SLC24A3: variants seen among roughly 807,000 people sequenced by gnomAD.
The protein encoded by SLC24A3 is sodium/potassium/calcium exchanger 3.
In SLC24A3, 28 loss-of-function variants were observed where a neutral mutation model predicts 75.8. That is an observed-to-expected ratio of 0.37 (90% CI 0.27 to 0.51). The LOEUF is 0.51. Among genes scored for constraint, SLC24A3 ranks in the 20% least tolerant of loss-of-function variants. The probability of loss-of-function intolerance (pLI) is 0.94; values close to 1 mark genes in which losing one functional copy is unlikely to be tolerated. For missense variants in SLC24A3, 663 were observed against 847.8 expected, an observed-to-expected ratio of 0.78 and a Z score of 2.71; for synonymous variants, 372 against 334.1, an observed-to-expected ratio of 1.11 and a Z score of -1.24.
At chr20:19,555,440 C>A (rs1209052601) in intron 3 of SLC24A3, among the ~76,000 whole-genome samples, 1 of 152,212 alleles carries the variant, frequency 6.6e-6, no homozygotes, top group East Asian at 1.9e-4. Context: ...GGCCATATTT[C>A]TTCTTCCATT....
intron 2 of SLC24A3, among the ~76,000 whole-genome samples, chr20:19,397,793 A>G (rs1986482940): frequency 1.3e-5 from 2 of 152,064 alleles, no homozygotes; most frequent in African/African-American, 4.8e-5. Context: ...ATTTGGAACT[A>G]TTGTTATGAT....
chr20:19,492,410 C>T (rs546743764), intron 2 of SLC24A3, among the ~76,000 whole-genome samples: 52 of 152,334 alleles, frequency 3.4e-4, no homozygotes, highest in African/African-American at 1.1e-3. Flanking sequence ...CCAGTGTGTT[C>T]GAAGGACCAT....
At chr20:19,367,457 C>T (rs939395767) in intron 2 of SLC24A3, among the ~76,000 whole-genome samples, 1 of 150,010 alleles carries the variant, frequency 6.7e-6, no homozygotes, top group Non-Finnish European at 1.5e-5. Context: ...AAAGCAGAGA[C>T]GTAAAACAAA....
intron 2 of SLC24A3, among the ~76,000 whole-genome samples, chr20:19,434,489 CT>C (rs1017364121): frequency 6.6e-6 from 1 of 152,164 alleles, no homozygotes; most frequent in Non-Finnish European, 1.5e-5. Flanking sequence ...AAACAGAAAA[CT>C]TTATAGAACC....
chr20:19,471,604 C>T (rs1262301467), intron 2 of SLC24A3, among the ~76,000 whole-genome samples: 1 of 152,140 alleles, frequency 6.6e-6, no homozygotes, highest in Non-Finnish European at 1.5e-5. Context: ...GGACATTTAA[C>T]AACTAGCCCA....
chr20:19,314,829 G>A lies in SLC24A3; in HGVS notation c.271+33742G>A, dbSNP rs190302464. Among the ~76,000 whole-genome samples, 12 of 152,326 alleles carry A rather than the reference G, an allele frequency of 7.9e-5. No individual in the cohort carries two copies. The South Asian group carries it at 1.9e-3, about 24-fold the overall frequency. ...AGTGGTTACCAGGCCTTGGCCTGTC[G>A]GTGTGTCTGGACATGAGTTACCGAC... On this transcript the variant is annotated intron_variant, in intron 2 of 16. Transcript: ENST00000328041.
In SLC24A3 at chr20:19,322,265, T is replaced by A. The variant is rs1309454642; in HGVS notation, c.271+41178T>A. On this transcript the variant is annotated intron_variant, in intron 2 of 16. Transcript: ENST00000328041. ...GCAAAATGGTGATTTTCCTATTCAA[T>A]CATTTCTTCTACGTTAGCTGGTATT... is the stretch of plus-strand genomic sequence containing the variant. Among the ~76,000 whole-genome samples, 7 of 152,290 alleles carry A rather than the reference T, an allele frequency of 4.6e-5. No individual in the cohort carries two copies. The East Asian group carries it at 1.4e-3, about 29-fold the overall frequency.
chr20:19,480,050 T>C (rs1174710517), intron 2 of SLC24A3, among the ~76,000 whole-genome samples: 1 of 152,240 alleles, frequency 6.6e-6, no homozygotes, highest in Non-Finnish European at 1.5e-5. Flanking sequence ...ATCCAGGAAA[T>C]GCATATGAGG....
At chr20:19,651,860 C>CAA (rs11473740) in intron 6 of SLC24A3, among the ~76,000 whole-genome samples, 19,268 of 119,876 alleles carry the variant, frequency 0.16, 1,611 homozygotes, top group African/African-American at 0.2. Flanking sequence ...GACTCCATCT[C>CAA]AAAAAAAAAA....
At chr20:19,636,991 A>G (rs2032010093) in intron 6 of SLC24A3, among the ~76,000 whole-genome samples, 1 of 152,216 alleles carries the variant, frequency 6.6e-6, no homozygotes. Flanking sequence ...CGGCAGTAGG[A>G]GTAAGCAGTA....
chr20:19,696,012 T>TTTC (rs1168589810), intron 13 of SLC24A3, among the ~76,000 whole-genome samples: 1 of 99,424 alleles, frequency 1.0e-5, no homozygotes, highest in East Asian at 3.0e-4. Flanking sequence ...TTTTTTTCCT[T>TTTC]TTCTTTTTTT....
chr20:19,439,829 A>G (rs982936174), intron 2 of SLC24A3, among the ~76,000 whole-genome samples: 1 of 152,168 alleles, frequency 6.6e-6, no homozygotes, highest in African/African-American at 2.4e-5. Flanking sequence ...CTCCGTGTAG[A>G]CGTTGTTAAC....
chr20:19,253,644 AC>A (rs1388607762), intron 1 of SLC24A3, among the ~76,000 whole-genome samples: 3 of 152,062 alleles, frequency 2.0e-5, no homozygotes, highest in African/African-American at 7.2e-5. Flanking sequence ...CCCCACTGTT[AC>A]CCCCATCCTC....
chr20:19,360,255 C>T (rs1401225347), intron 2 of SLC24A3, among the ~76,000 whole-genome samples: 1 of 152,196 alleles, frequency 6.6e-6, no homozygotes, highest in Non-Finnish European at 1.5e-5. Context: ...CTCAACATGT[C>T]AGTGAGTCAA....
chr20:19,671,054 C>G (rs2032460388), intron 8 of SLC24A3, among the ~76,000 whole-genome samples: 1 of 152,134 alleles, frequency 6.6e-6, no homozygotes, highest in African/African-American at 2.4e-5. Flanking sequence ...TAATCACAGA[C>G]TGCTTAGAGG....
intron 2 of SLC24A3, among the ~76,000 whole-genome samples, chr20:19,325,017 GC>G (rs959074254): frequency 1.4e-5 from 2 of 139,500 alleles, no homozygotes; most frequent in Non-Finnish European, 3.0e-5. Context: ...AGATGGTAGA[GC>G]CTTTTTTTTT....
chr20:19,311,832 G>C (rs1984464588), intron 2 of SLC24A3, among the ~76,000 whole-genome samples: 1 of 152,102 alleles, frequency 6.6e-6, no homozygotes, highest in African/African-American at 2.4e-5. Flanking sequence ...TCTTCCCAAA[G>C]GGTGGCCTGG....
At chr20:19,614,875 C>G (rs909646159) in intron 6 of SLC24A3, among the ~76,000 whole-genome samples, 1 of 152,132 alleles carries the variant, frequency 6.6e-6, no homozygotes, top group Non-Finnish European at 1.5e-5. Context: ...ACTGGGTTAG[C>G]GTTTAACAAC....
intron 2 of SLC24A3, among the ~76,000 whole-genome samples, chr20:19,290,997 ATC>A (rs1200455979): frequency 1.3e-5 from 2 of 152,084 alleles, no homozygotes; most frequent in East Asian, 3.9e-4. Context: ...GCATTTTAAA[ATC>A]TCTTTGTATT....
Sources: allele counts gnomAD v4.1 joint callset (sites outside exome capture counted in the v4.1 genomes callset), GRCh38; gene constraint gnomAD v4.1.1; transcripts MANE v1.5; gene names NCBI Gene and HGNC (gene_info 2026-07-23, HGNC 2026-07-21).